A1CF: variants seen among roughly 807,000 people sequenced by gnomAD.
A1CF encodes APOBEC-1 stimulating protein.
A neutral mutation model predicts 68.9 loss-of-function variants in A1CF; 48 were observed. That is an observed-to-expected ratio of 0.70 (90% confidence interval 0.55 to 0.89). The LOEUF (loss-of-function observed/expected upper bound fraction) is 0.89, where lower values mean the gene tolerates loss of function less well. A1CF is among the 40% of genes least tolerant of loss of function. A1CF has a pLI of 0.00. For missense variants in A1CF, 653 were observed against 718.9 expected (o/e 0.91, Z 1.05); for synonymous variants, 272 against 260.4 (o/e 1.04, Z -0.43).
intron 9 of A1CF, among the ~76,000 whole-genome samples, chr10:50,814,978 T>A (rs1029749848): frequency 2.0e-5 from 3 of 152,204 alleles, no homozygotes; most frequent in African/African-American, 7.2e-5. Context: ...AGTATGAAAC[T>A]TTTAAGGCTG....
Position 50,800,913 on chromosome 10 carries a change from C to CT in A1CF, c.*5815dup, listed in dbSNP as rs1439229565. Reference sequence around the variant, plus strand: ...AAGCAGAAGGAAAAAAGGCAATATCCTTTTTAAGGTGAAGGTTAACGTAAG... The same window carrying CT: ...AAGCAGAAGGAAAAAAGGCAATATCCTTTTTTAAGGTGAAGGTTAACGTAAG... On this transcript the variant is annotated 3_prime_UTR_variant, in exon 13 of 13. Coordinates refer to ENST00000373997, the MANE Select transcript of A1CF (RefSeq NM_014576.4). 1 of 152,014 alleles carries CT rather than the reference C, an allele frequency of 6.6e-6. No individual in the cohort carries two copies. Among genetic ancestry groups the CT allele is most frequent in the African/African-American group, 2.4e-5 (1 of 41,372 alleles). 9.4% of individuals were successfully genotyped at this position (152,014 alleles called of 1,614,324 possible). A position where few individuals can be genotyped will look rare whatever the true frequency, so the allele number is the denominator to read the frequency against.
At chr10:50,867,120 A>G (rs1841029093) in intron 1 of A1CF, among the ~76,000 whole-genome samples, 1 of 152,100 alleles carries the variant, frequency 6.6e-6, no homozygotes, top group African/African-American at 2.4e-5. Flanking sequence ...GAGTCATGAA[A>G]GCATAGCTTG....
chr10:50,806,880 C>T lies in A1CF; in HGVS notation c.1610G>A (p.Gly537Glu), dbSNP rs1328340424. The T allele has an allele frequency of 4.4e-6, 7 of 1,600,010 alleles. No individual in the cohort carries two copies. Among genetic ancestry groups the T allele is most frequent in the Non-Finnish European group, 6.0e-6 (7 of 1,175,846 alleles). The change falls in exon 13 of 13, where the codon GGA becomes GAA. Residue 537 changes from glycine to glutamate, a missense_variant and splice_region_variant. By Grantham distance (98) the Gly-to-Glu change is moderately conservative (BLOSUM62 -2). Transcript: ENST00000373997. Reference sequence around the variant, plus strand: ...TGCAGTTGCATTAGGGACAGCATATCCTGGAGGAAGAGGCAGAGAAAACTT... The same window carrying T: ...TGCAGTTGCATTAGGGACAGCATATTCTGGAGGAAGAGGCAGAGAAAACTT... ...TAAAAATAFP[G>E]YAVPNATAPV...
intron 1 of A1CF, among the ~76,000 whole-genome samples, chr10:50,877,046 C>T (rs1200612737): frequency 6.6e-6 from 1 of 152,152 alleles, no homozygotes; most frequent in Non-Finnish European, 1.5e-5. Flanking sequence ...CAACTATTCC[C>T]AAAATGCCTG....
chr10:50,873,974 G>A (rs1380258263), intron 1 of A1CF, among the ~76,000 whole-genome samples: 2 of 152,004 alleles, frequency 1.3e-5, no homozygotes, highest in African/African-American at 2.4e-5. Context: ...TTTAATATGT[G>A]TTTGTGTATA....
chr10:50,861,115 C>A (rs772033578), intron 2 of A1CF, among the ~76,000 whole-genome samples: 6 of 151,888 alleles, frequency 4.0e-5, no homozygotes, highest in East Asian at 1.9e-4. Flanking sequence ...AATGAAGACA[C>A]CATTAATAAT....
intron 8 of A1CF, among the ~76,000 whole-genome samples, chr10:50,820,094 A>G (rs1838576540): frequency 6.6e-6 from 1 of 152,196 alleles, no homozygotes; most frequent in Admixed American, 6.5e-5. Flanking sequence ...AAGCTTCCCC[A>G]GCCCCTACTC....
chr10:50,847,814 C>T (rs1384374219), intron 3 of A1CF, among the ~76,000 whole-genome samples: 1 of 152,130 alleles, frequency 6.6e-6, no homozygotes, highest in Non-Finnish European at 1.5e-5. Context: ...ATGGTGCAAA[C>T]TTTAATGTTG....
At chr10:50,864,161 G>A (rs1840870890) in intron 1 of A1CF, 81 bp from the exon 2 acceptor site, 3 of 152,114 alleles carry the variant, frequency 2.0e-5, no homozygotes, top group Admixed American at 6.5e-5. Flanking sequence ...TAGTATTACA[G>A]GAAAGAATCA....
chr10:50,806,649 G>A lies in A1CF; in HGVS notation c.*80C>T. 7.6e-7 allele frequency: 1 copy of A among 1,323,352 alleles called. No individual in the cohort carries two copies. Among genetic ancestry groups the A allele is most frequent in the South Asian group, 1.7e-5 (1 of 57,758 alleles). The allele number at this position is 1,323,352 out of a possible 1,614,324, so 82.0% of individuals were successfully genotyped here. On this transcript the variant is annotated 3_prime_UTR_variant, in exon 13 of 13. Coordinates refer to ENST00000373997, the MANE Select transcript of A1CF (RefSeq NM_014576.4). ...GGAAACATATTATTTATGATCATTG[G>A]GGACCGAGTTAGAGGTTTATTTCTT...
intron 5 of A1CF, among the ~76,000 whole-genome samples, chr10:50,838,797 G>A (rs1839640638): frequency 1.3e-5 from 2 of 152,168 alleles, no homozygotes; most frequent in Non-Finnish European, 2.9e-5. Context: ...GGTTGTCTAT[G>A]GGGTGTTTAT....
intron 1 of A1CF, among the ~76,000 whole-genome samples, chr10:50,877,905 G>A (rs1841587508): frequency 6.6e-6 from 1 of 152,246 alleles, no homozygotes; most frequent in African/African-American, 2.4e-5. Context: ...GGAGGATCAC[G>A]AGGTCAGGAG....
At chr10:50,858,963 AAAAT>A (rs985717429) in intron 3 of A1CF, among the ~76,000 whole-genome samples, 144 of 152,202 alleles carry the variant, frequency 9.5e-4, no homozygotes, top group African/African-American at 3.4e-3. Context: ...AATTAATTAA[AAAAT>A]AAATGTATAT....
chr10:50,879,792 C>A (rs1409982192), intron 1 of A1CF, among the ~76,000 whole-genome samples: 2 of 152,144 alleles, frequency 1.3e-5, no homozygotes, highest in Non-Finnish European at 2.9e-5. Context: ...GGACAAAAAG[C>A]TAAACCATAT....
intron 7 of A1CF, among the ~76,000 whole-genome samples, chr10:50,821,582 C>A (rs192060881): frequency 6.6e-6 from 1 of 151,626 alleles, no homozygotes; most frequent in Admixed American, 6.6e-5. Flanking sequence ...GTTGCCCAGG[C>A]TAGAGTGCAA....
chr10:50,815,639 A>G (rs1838329140), intron 9 of A1CF, among the ~76,000 whole-genome samples: 1 of 152,236 alleles, frequency 6.6e-6, no homozygotes, highest in Non-Finnish European at 1.5e-5. Flanking sequence ...ACTGGACTAT[A>G]CTAGTCTATT....
rs570739538 is a variant in A1CF at position 50,860,335 on chromosome 10, G to A, written c.-45-350C>T. 9.2e-5 allele frequency among the ~76,000 whole-genome samples: 14 copies of A among 152,262 alleles called. No individual in the cohort carries two copies. The East Asian group carries it at 2.1e-3, about 23-fold the overall frequency. On this transcript the variant is annotated intron_variant, in intron 2 of 12. Transcript: ENST00000373997. ...AATATGAAGAATGTTCCTTACAGAC[G>A]TGAGAAGAGGACACTGTCGCTCATT...
At chr10:50,834,061 A>G (rs941978070) in intron 6 of A1CF, among the ~76,000 whole-genome samples, 3 of 152,182 alleles carry the variant, frequency 2.0e-5, no homozygotes, top group Admixed American at 6.5e-5. Context: ...CTTATCTGAT[A>G]GGACCTGGCT....
At chr10:50,828,010 C>T in intron 7 of A1CF, 121 bp downstream of exon 7, 2 of 649,782 alleles carry the variant, frequency 3.1e-6, no homozygotes, top group Non-Finnish European at 4.8e-6. Context: ...CTATAAACAC[C>T]TCTATGCAAA....
Sources: gnomAD v4.1 joint callset for allele counts (sites outside exome capture counted in the v4.1 genomes callset) on GRCh38, gnomAD v4.1.1 for gene constraint, MANE v1.5 for transcripts, NCBI Gene and HGNC (gene_info 2026-07-23, HGNC 2026-07-21) for gene names.